SORCS2: variants seen among roughly 807,000 people sequenced by gnomAD.
SORCS2 encodes the protein VPS10 domain-containing receptor SorCS2.
Under a neutral mutation model 141.6 loss-of-function variants are expected in SORCS2, and 100 were observed. The observed-to-expected ratio is 0.71, with a 90% CI of 0.60 to 0.83. The LOEUF (loss-of-function observed/expected upper bound fraction) is 0.83, where lower values mean the gene tolerates loss of function less well. Ranked by LOEUF, SORCS2 falls within the 40% of genes least tolerant of loss-of-function variation. SORCS2 has a pLI of 0.00. For missense variants in SORCS2, 1,646 were observed against 1,560.2 expected, an observed-to-expected ratio of 1.05 and a Z score of -0.93; for synonymous variants, 789 against 676.9, an observed-to-expected ratio of 1.17 and a Z score of -2.57.
intron 2 of SORCS2, among the ~76,000 whole-genome samples, chr4:7,454,239 T>A (rs1728704049): frequency 7.7e-6 from 1 of 130,044 alleles, no homozygotes; most frequent in African/African-American, 3.0e-5. Context: ...GGTCAGGTGC[T>A]GTGTGTTGGG....
intron 2 of SORCS2, among the ~76,000 whole-genome samples, chr4:7,464,927 C>T (rs745469874): frequency 2.6e-5 from 4 of 152,256 alleles, no homozygotes; most frequent in Non-Finnish European, 5.9e-5. Flanking sequence ...CCCGGCAGCA[C>T]AGCCCGGCCT....
At chr4:7,296,784 C>T (rs747951985) in intron 1 of SORCS2, among the ~76,000 whole-genome samples, 3 of 152,174 alleles carry the variant, frequency 2.0e-5, no homozygotes, top group East Asian at 1.9e-4. Context: ...AGACTCTTTC[C>T]GGAGAGGTGA....
intron 2 of SORCS2, among the ~76,000 whole-genome samples, chr4:7,398,727 T>G (rs1724379175): frequency 1.3e-5 from 2 of 152,240 alleles, no homozygotes; most frequent in African/African-American, 4.8e-5. Context: ...AGTGACAGGG[T>G]CTGCGTCATC....
At chr4:7,651,133 CA>C (rs988413474) in intron 4 of SORCS2, among the ~76,000 whole-genome samples, 3 of 152,148 alleles carry the variant, frequency 2.0e-5, no homozygotes, top group Non-Finnish European at 2.9e-5. Context: ...TATTGAAATG[CA>C]AATGAACACC....
chr4:7,414,212 C>A (rs1182233505), intron 2 of SORCS2, among the ~76,000 whole-genome samples: 1 of 152,178 alleles, frequency 6.6e-6, no homozygotes, highest in Non-Finnish European at 1.5e-5. Context: ...CAGGATCCTG[C>A]CAACCAGCAG....
In SORCS2 at chr4:7,633,576, A is replaced by AGAAT. The variant is rs57627813; in HGVS notation, c.649-4741_649-4738dup. Among the ~76,000 whole-genome samples, 700 of 152,086 alleles carry AGAAT rather than the reference A, an allele frequency of 4.6e-3. 8 individuals are homozygous for AGAAT. Among genetic ancestry groups the AGAAT allele is most frequent in the African/African-American group, 0.016 (677 of 41,426 alleles). ...GGACCATGTGGTTTTGCAATGTGAA[A>AGAAT]GAATGAATGAATGAGCCTTCATTCA... is the stretch of plus-strand genomic sequence containing the variant. On this transcript the variant is annotated intron_variant, in intron 3 of 26. Transcript: ENST00000507866.
chr4:7,618,644 G>C (rs1371525658), intron 3 of SORCS2, among the ~76,000 whole-genome samples: 1 of 152,076 alleles, frequency 6.6e-6, no homozygotes, highest in Admixed American at 6.6e-5. Flanking sequence ...ACCCTCCCTA[G>C]CATGTGCCCT....
At chr4:7,528,921 A>G (rs1266045609) in intron 2 of SORCS2, among the ~76,000 whole-genome samples, 1 of 151,654 alleles carries the variant, frequency 6.6e-6, no homozygotes, top group Admixed American at 6.6e-5. Flanking sequence ...GGTCCTTGGT[A>G]CCCTTGGCCT....
intron 1 of SORCS2, among the ~76,000 whole-genome samples, chr4:7,203,794 C>T (rs751702554): frequency 6.6e-6 from 1 of 152,164 alleles, no homozygotes; most frequent in African/African-American, 2.4e-5. Flanking sequence ...CAAATGGAAA[C>T]TCTGCCCCTC....
intron 2 of SORCS2, among the ~76,000 whole-genome samples, chr4:7,429,474 AC>A (rs1726678293): frequency 6.6e-6 from 1 of 152,264 alleles, no homozygotes; most frequent in South Asian, 2.1e-4. Flanking sequence ...AATCTGCCTT[AC>A]CAGACCTGGA....
At chr4:7,492,685 T>C (rs1731388457) in intron 2 of SORCS2, among the ~76,000 whole-genome samples, 1 of 152,228 alleles carries the variant, frequency 6.6e-6, no homozygotes, top group African/African-American at 2.4e-5. Context: ...CCCCAGCCCC[T>C]TGGAGACTGG....
chr4:7,219,707 T>C (rs4689645), intron 1 of SORCS2, among the ~76,000 whole-genome samples: 41,503 of 152,140 alleles, frequency 0.27, 6,271 homozygotes, highest in East Asian at 0.45. Context: ...AACCACTTCC[T>C]GCTGGGTCCC....
At chr4:7,556,083 C>T (rs1376911801) in intron 3 of SORCS2, among the ~76,000 whole-genome samples, 1 of 152,188 alleles carries the variant, frequency 6.6e-6, no homozygotes, top group Non-Finnish European at 1.5e-5. Context: ...ACACAGGATG[C>T]CAACGTTAGG....
At chr4:7,507,788 G>A (rs888166148) in intron 2 of SORCS2, among the ~76,000 whole-genome samples, 3 of 152,146 alleles carry the variant, frequency 2.0e-5, no homozygotes, top group African/African-American at 7.2e-5. Flanking sequence ...TCATGAGGGA[G>A]CTGGCTGGAA....
At chr4:7,523,680 G>A (rs772446641) in intron 2 of SORCS2, among the ~76,000 whole-genome samples, 17 of 152,102 alleles carry the variant, frequency 1.1e-4, no homozygotes, top group Non-Finnish European at 2.2e-4. Context: ...CCTGCTGACC[G>A]GCCCTCAGTG....
At chr4:7,200,028 G>A (rs898071842) in intron 1 of SORCS2, among the ~76,000 whole-genome samples, 1 of 151,430 alleles carries the variant, frequency 6.6e-6, no homozygotes, top group Non-Finnish European at 1.5e-5. Flanking sequence ...AGAGGTGGGG[G>A]AGGCTGGATT....
intron 2 of SORCS2, among the ~76,000 whole-genome samples, chr4:7,416,957 C>T (rs756214245): frequency 8.5e-5 from 13 of 152,208 alleles, no homozygotes; most frequent in Non-Finnish European, 1.8e-4. Flanking sequence ...CGCACACACA[C>T]ACCCACACAC....
intron 1 of SORCS2, among the ~76,000 whole-genome samples, chr4:7,261,590 T>C (rs1193826453): frequency 1.3e-5 from 2 of 152,250 alleles, no homozygotes; most frequent in Non-Finnish European, 2.9e-5. Context: ...AATTAGTTCC[T>C]TGAATGATCA....
chr4:7,515,782 C>A (rs1732938509), intron 2 of SORCS2, among the ~76,000 whole-genome samples: 1 of 152,210 alleles, frequency 6.6e-6, no homozygotes, highest in African/African-American at 2.4e-5. Flanking sequence ...TCACATCTGC[C>A]CTGCAGCTCT....
Sources: gnomAD v4.1 joint callset for allele counts (sites outside exome capture counted in the v4.1 genomes callset) on GRCh38, gnomAD v4.1.1 for gene constraint, MANE v1.5 for transcripts, NCBI Gene and HGNC (gene_info 2026-07-23, HGNC 2026-07-21) for gene names.